Variants in PPP2R1B observed in about 807,000 individuals in gnomAD.
The protein encoded by PPP2R1B is protein phosphatase 2 scaffold subunit Abeta.
PPP2R1B carries 58 observed loss-of-function variants against 72.7 expected under a neutral mutation model. The ratio of observed to expected loss-of-function variants is 0.80; its 90% CI spans 0.65 to 0.99. The LOEUF is 0.99. Ranked by LOEUF, PPP2R1B falls within the 50% of genes least tolerant of loss-of-function variation. PPP2R1B has a pLI of 0.00. For missense variants in PPP2R1B, 695 were observed against 733.6 expected, an observed-to-expected ratio of 0.95 and a Z score of 0.61; for synonymous variants, 256 against 264.6, an observed-to-expected ratio of 0.97 and a Z score of 0.32.
At chr11:111,722,306 T>C (rs1285262665), downstream of PPP2R1B, among the ~76,000 whole-genome samples, 1 of 152,238 alleles carries the variant, frequency 6.6e-6, no homozygotes, top group Non-Finnish European at 1.5e-5. This position sits in a 1 kb window ranked among gnomAD's most constrained non-coding sequence, Gnocchi z 4.4. Context: ...ATAAAAATCT[T>C]AAAAAGCGAT....
At chr11:111,720,904 G>C in the PPP2R1B span, 1 of 1,613,446 alleles carries the variant, frequency 6.2e-7, no homozygotes, top group Admixed American at 1.7e-5. Context: ...TTCAGGAATT[G>C]TAGCATTTAG....
At chr11:111,719,900 AGACCCCGCTCATGCCTTTGAGGCATTT>A in the PPP2R1B span, 1 of 1,614,058 alleles carries the variant, frequency 6.2e-7, no homozygotes, top group Non-Finnish European at 8.5e-7. Flanking sequence ...AGGCCGAGGA[AGACCCCGCTCATGCCTTTGAGGCATTT>A]CAGTCCACAC....
At chr11:111,715,793 CTTTTTTT>C in the PPP2R1B span, among the ~76,000 whole-genome samples, 109 of 81,594 alleles carry the variant, frequency 1.3e-3, no homozygotes, top group African/African-American at 5.0e-3. Flanking sequence ...TCATTTTTAG[CTTTTTTT>C]TTTTTTTTTT....
At chr11:111,727,206 C>T (rs1051199867) in intron 15 of PPP2R1B, 4 of 663,888 alleles carry the variant, frequency 6.0e-6, no homozygotes, top group Non-Finnish European at 1.1e-5. Flanking sequence ...TGGTTCTCTA[C>T]ACCATCCACC....
chr11:111,754,595 T>G (rs1298206618), intron 7 of PPP2R1B, 26 bp from the exon 8 acceptor site: 11 of 1,589,332 alleles, frequency 6.9e-6, no homozygotes, highest in Non-Finnish European at 7.7e-6. Flanking sequence ...AAAAAAAGAA[T>G]GCTTTCACAG....
intron 5 of PPP2R1B, 88 bp from the exon 6 acceptor site, chr11:111,755,538 A>ACAC: frequency 7.8e-7 from 1 of 1,274,934 alleles, no homozygotes; most frequent in Non-Finnish European, 1.1e-6. Flanking sequence ...AAAAAAATTA[A>ACAC]CACCACCAAG....
chr11:111,731,375 TGCA>T (rs1944186426), intron 15 of PPP2R1B, among the ~76,000 whole-genome samples: 3 of 152,330 alleles, frequency 2.0e-5, no homozygotes, highest in African/African-American at 7.2e-5. Context: ...GCCTCGACAC[TGCA>T]CGTGCGCTCA....
chr11:111,766,262 T>C lies in PPP2R1B; in HGVS notation c.100A>G (p.Asn34Asp). Residue 34 changes from asparagine to aspartate, a missense_variant, in exon 1 of 15, where the codon AAT becomes GAT. Coordinates refer to ENST00000527614, the MANE Select transcript of PPP2R1B (RefSeq NM_002716.5). ...PIAVLIDELR[N>D]EDVQLRLNSI... ...CAGTCCAGTACCTGCACGTCTTCAT[T>C]GCGGAGCTCGTCGATTAAAACCGCG... 1 of 1,613,946 alleles carries C rather than the reference T, an allele frequency of 6.2e-7. No individual in the cohort carries two copies. Among genetic ancestry groups the C allele is most frequent in the Non-Finnish European group, 8.5e-7 (1 of 1,179,894 alleles).
chr11:111,731,622 T>C (rs1279618642), intron 15 of PPP2R1B, among the ~76,000 whole-genome samples: 1 of 152,236 alleles, frequency 6.6e-6, no homozygotes, highest in Non-Finnish European at 1.5e-5. Flanking sequence ...ACATTGACAG[T>C]TCCCTCCCTG....
chr11:111,724,382 A>G (rs1943904507), downstream of PPP2R1B: 3 of 529,420 alleles, frequency 5.7e-6, no homozygotes, highest in Non-Finnish European at 1.0e-5. Flanking sequence ...GGTCGAGTGG[A>G]GCAAGCTCTC....
chr11:111,718,148 G>A, the PPP2R1B span, among the ~76,000 whole-genome samples: 47 of 152,286 alleles, frequency 3.1e-4, no homozygotes, highest in Non-Finnish European at 4.1e-4. Context: ...GACGGAGGCC[G>A]TAAGTGTAAG....
At chr11:111,717,359 T>G in the PPP2R1B span, among the ~76,000 whole-genome samples, 1 of 132,940 alleles carries the variant, frequency 7.5e-6, no homozygotes, top group Non-Finnish European at 1.6e-5. Context: ...ACATGACTGA[T>G]CATTAGAGAA....
At chr11:111,727,811 G>A (rs1354718895) in intron 15 of PPP2R1B, 1 of 152,316 alleles carries the variant, frequency 6.6e-6, no homozygotes, top group African/African-American at 2.4e-5. Context: ...CCAGGCGTGT[G>A]GGCACTAAGC....
At chr11:111,691,526 C>T in the PPP2R1B span, among the ~76,000 whole-genome samples, 1 of 152,158 alleles carries the variant, frequency 6.6e-6, no homozygotes, top group Admixed American at 6.6e-5. Context: ...CAGTATCTGT[C>T]CTTCTCCCAC....
the PPP2R1B span, chr11:111,712,149 T>C: frequency 6.8e-7 from 1 of 1,461,980 alleles, no homozygotes; most frequent in Non-Finnish European, 9.4e-7. Context: ...TTCTTAGAAC[T>C]TTGTGTATTT....
At chr11:111,744,190 T>A (rs574199161) in intron 11 of PPP2R1B, among the ~76,000 whole-genome samples, 5 of 152,122 alleles carry the variant, frequency 3.3e-5, no homozygotes, top group Non-Finnish European at 2.9e-5. Flanking sequence ...GGAAAAACAG[T>A]GATGGGTTTT....
intron 10 of PPP2R1B, 99 bp from the exon 11 acceptor site, chr11:111,748,113 C>A: frequency 9.5e-7 from 1 of 1,055,230 alleles, no homozygotes; most frequent in South Asian, 1.5e-5. Flanking sequence ...GCTAAAAAAA[C>A]TTGTTTCCAA....
rs113565982 is a variant in PPP2R1B, at chr11:111,759,654, G to A, written c.687+150C>T. On this transcript the variant is annotated intron_variant, in intron 5 of 14. Coordinates refer to ENST00000527614, the MANE Select transcript of PPP2R1B (RefSeq NM_002716.5). ...TAAGAAAGAAACATAAGAACATTGA[G>A]ATAAGCATGTTACACTTTAACCAGG... The A allele has an allele frequency of 3.6e-3, 2,729 of 766,562 alleles. 50 individuals are homozygous for A. The African/African-American group carries it at 0.043, about 12-fold the overall frequency. The allele number at this position is 766,562 out of a possible 1,614,324, so 47.5% of individuals were successfully genotyped here. A position where few individuals can be genotyped will look rare whatever the true frequency, so the allele number is the denominator to read the frequency against.
the PPP2R1B span, among the ~76,000 whole-genome samples, chr11:111,716,799 T>G: frequency 6.6e-6 from 1 of 152,006 alleles, no homozygotes; most frequent in Non-Finnish European, 1.5e-5. Context: ...AGTAAAAATA[T>G]TAAGGATAAA....
Sources: gnomAD v4.1 joint callset for allele counts (sites outside exome capture counted in the v4.1 genomes callset) on GRCh38, gnomAD v4.1.1 for gene constraint, Gnocchi (gnomAD v3.1) non-coding constraint, MANE v1.5 for transcripts, NCBI Gene and HGNC (gene_info 2026-07-23, HGNC 2026-07-21) for gene names.